CD109: variants seen among roughly 807,000 people sequenced by gnomAD.
CD109 encodes the protein CD109 molecule.
In CD109, 149 loss-of-function variants were observed where a neutral mutation model predicts 165.8. The ratio of observed to expected loss-of-function variants is 0.90; its 90% CI spans 0.79 to 1.03. The LOEUF (loss-of-function observed/expected upper bound fraction) is 1.03. Ranked by LOEUF, CD109 falls within the 50% of genes least tolerant of loss-of-function variation. The probability of loss-of-function intolerance (pLI) is 0.00; values close to 1 mark genes in which losing one functional copy is unlikely to be tolerated. For missense variants in CD109, 1,712 were observed against 1,677.8 expected (o/e 1.02, Z -0.36); for synonymous variants, 585 against 592.1 (o/e 0.99, Z 0.18).
At chr6:73,787,566 C>A (rs1774743218) in intron 21 of CD109, 114 bp downstream of exon 21, 1 of 709,474 alleles carries the variant, frequency 1.4e-6, no homozygotes, top group Non-Finnish European at 2.3e-6. Context: ...ATCTTCTTTA[C>A]CCTTCTGGTA....
chr6:73,816,157 A>G (rs1001490942), intron 30 of CD109, among the ~76,000 whole-genome samples: 6 of 152,060 alleles, frequency 3.9e-5, no homozygotes, highest in Non-Finnish European at 7.4e-5. Context: ...TTGGGGTAAA[A>G]TGTCCCACAT....
chr6:73,746,388 A>T (rs1033605571), intron 5 of CD109, among the ~76,000 whole-genome samples: 2 of 152,146 alleles, frequency 1.3e-5, no homozygotes, highest in South Asian at 4.2e-4. Flanking sequence ...TTTTCCCTCA[A>T]GGGTAACTTT....
At position 73,818,521 on chromosome 6, in the gene CD109, C is replaced by T. The variant is rs1418250656; in HGVS notation, c.4045C>T (p.Leu1349Phe). The T allele has an allele frequency of 1.9e-6, 3 of 1,612,960 alleles. No individual in the cohort carries two copies. Among genetic ancestry groups the T allele is most frequent in the Non-Finnish European group, 2.5e-6 (3 of 1,179,704 alleles). Residue 1349 changes from leucine (L) to phenylalanine (F), a missense_variant, in exon 31 of 33, where the codon CTC (leucine) becomes TTC (phenylalanine). Leu to Phe is a conservative substitution (Grantham distance 22). Coordinates refer to ENST00000287097, the MANE Select transcript of CD109 (RefSeq NM_133493.5). ...GGAATATGATCATGGAAAACTCAAC[C>T]TCTATTTAGATTCTGTAAGTAGTAA... Reference protein sequence around the residue: ...KVEYDHGKLNLYLDSVNETQF... With the variant: ...KVEYDHGKLNFYLDSVNETQF...
At chr6:73,791,148 T>TATATATATACATAC in intron 22 of CD109, among the ~76,000 whole-genome samples, 1 of 31,814 alleles carries the variant, frequency 3.1e-5, no homozygotes, top group African/African-American at 1.3e-4. Flanking sequence ...TATATATATA[T>TATATATATACATAC]ATATATATAT....
At chr6:73,806,349 C>T (rs111629328) in intron 24 of CD109, among the ~76,000 whole-genome samples, 16,337 of 150,914 alleles carry the variant, frequency 0.11, 1,127 homozygotes, top group Non-Finnish European at 0.15. Flanking sequence ...ACATTACACA[C>T]CGGGACCTGT....
the CD109 span, among the ~76,000 whole-genome samples, chr6:73,685,920 C>T: frequency 6.6e-6 from 1 of 152,122 alleles, no homozygotes; most frequent in African/African-American, 2.4e-5. Flanking sequence ...ATTTCTTTTT[C>T]TTTGCTAATT....
the CD109 span, among the ~76,000 whole-genome samples, chr6:73,684,182 A>G: frequency 4.1e-5 from 6 of 147,090 alleles, no homozygotes; most frequent in African/African-American, 1.5e-4. Flanking sequence ...TTTTTTGAGG[A>G]GCCTCTGTAT....
chr6:73,742,977 A>G (rs1772848643), intron 5 of CD109, among the ~76,000 whole-genome samples: 1 of 152,204 alleles, frequency 6.6e-6, no homozygotes, highest in African/African-American at 2.4e-5. Context: ...TTTAGAATCC[A>G]TCTTTTCCAT....
At chr6:73,782,016 A>G (rs551691952) in intron 17 of CD109, among the ~76,000 whole-genome samples, 1 of 152,256 alleles carries the variant, frequency 6.6e-6, no homozygotes, top group Non-Finnish European at 1.5e-5. Flanking sequence ...CTTAGAAGGG[A>G]TTCTCTTTTC....
At chr6:73,688,874 T>A in the CD109 span, among the ~76,000 whole-genome samples, 105 of 147,474 alleles carry the variant, frequency 7.1e-4, no homozygotes, top group African/African-American at 2.5e-3. Flanking sequence ...ACTCAAGTGA[T>A]CTTCCTACCT....
chr6:73,772,338 T>G (rs1052690627), intron 15 of CD109, among the ~76,000 whole-genome samples: 8 of 151,846 alleles, frequency 5.3e-5, no homozygotes, highest in African/African-American at 1.5e-4. Flanking sequence ...ACCCCATCTC[T>G]ACTAAAAATA....
At chr6:73,817,068 T>C (rs1468792918) in intron 30 of CD109, among the ~76,000 whole-genome samples, 1 of 152,188 alleles carries the variant, frequency 6.6e-6, no homozygotes, top group Admixed American at 6.5e-5. Context: ...AAAAATCTGG[T>C]ATGAAGGACA....
intron 30 of CD109, among the ~76,000 whole-genome samples, chr6:73,815,514 G>A (rs1775908311): frequency 6.6e-6 from 1 of 152,028 alleles, no homozygotes; most frequent in African/African-American, 2.4e-5. Flanking sequence ...TAACTGTTAG[G>A]CATTTAACCC....
At chr6:73,740,442 G>A (rs1222745027) in intron 5 of CD109, among the ~76,000 whole-genome samples, 1 of 152,136 alleles carries the variant, frequency 6.6e-6, no homozygotes, top group Non-Finnish European at 1.5e-5. Flanking sequence ...TAGAGTAAGA[G>A]TGAATAAGTC....
chr6:73,766,343 T>C (rs1773844706), intron 11 of CD109, among the ~76,000 whole-genome samples, 189 bp downstream of exon 11: 1 of 152,130 alleles, frequency 6.6e-6, no homozygotes, highest in South Asian at 2.1e-4. Context: ...AATTTTTCCT[T>C]GTAAGTTCAT....
chr6:73,782,486 C>G, intron 17 of CD109, 128 bp from the exon 18 acceptor site: 1 of 835,622 alleles, frequency 1.2e-6, no homozygotes, highest in Non-Finnish European at 1.8e-6. Context: ...CAGAAGGAAC[C>G]TGATACTCTC....
Position 73,766,762 on chromosome 6 carries a change from T to C in CD109, c.1336T>C (p.Tyr446His). The C allele has an allele frequency of 6.2e-7, 1 of 1,607,174 alleles. No individual in the cohort carries two copies. The highest frequency in any genetic ancestry group is 8.5e-7 in the Non-Finnish European group (1 of 1,174,788). ...GCTCCTTTTTCTTTTATTATAGGCC[T>C]ATTTCCTTGGTAGTAAAAGTAGCAT... ...EDSSELQLKA[Y>H]FLGSKSSMAV... The change falls in exon 12 of 33, where the codon TAT (tyrosine) becomes CAT (histidine). Residue 446 changes from tyrosine (Y) to histidine (H), a missense_variant. Physicochemically the swap from Tyr to His is moderately conservative, Grantham distance 83. Coordinates refer to ENST00000287097, the MANE Select transcript of CD109 (RefSeq NM_133493.5).
the CD109 span, among the ~76,000 whole-genome samples, chr6:73,688,761 G>GTTTTTTTTTTTTTTTTTTT: frequency 1.4e-5 from 1 of 73,528 alleles, no homozygotes; most frequent in Non-Finnish European, 2.7e-5. Context: ...GTTTTTCTTT[G>GTTTTTTTTTTTTTTTTTTT]TTTTTTTTTT....
Position 73,771,368 on chromosome 6 carries a change from A to G in CD109, c.1675-61A>G, listed in dbSNP as rs1443709222. On this transcript the variant is annotated intron_variant, in intron 14 of 32. Transcript: ENST00000287097. Reference sequence around the variant, plus strand: ...CTATATTTTGGGCCAGTGGTCTGCTATTGGCAAGAATATGCTTTAAAAAAG... The same window carrying G: ...CTATATTTTGGGCCAGTGGTCTGCTGTTGGCAAGAATATGCTTTAAAAAAG... 26 of 1,418,620 alleles carry G rather than the reference A, an allele frequency of 1.8e-5. No individual in the cohort carries two copies. The South Asian group carries it at 3.3e-4, about 18-fold the overall frequency. 87.9% of individuals were successfully genotyped at this position (1,418,620 alleles called of 1,614,324 possible).
Sources: gnomAD v4.1 joint callset for allele counts (sites outside exome capture counted in the v4.1 genomes callset) on GRCh38, gnomAD v4.1.1 for gene constraint, MANE v1.5 for transcripts, NCBI Gene and HGNC (gene_info 2026-07-23, HGNC 2026-07-21) for gene names.